The following CTNNA3 variants were observed in gnomAD, a reference collection of about 807,000 sequenced individuals.
The protein encoded by CTNNA3 is catenin alpha-3.
CTNNA3 carries 76 observed loss-of-function variants against 95.7 expected under a neutral mutation model. The observed-to-expected ratio is 0.79, with a 90% confidence interval of 0.66 to 0.96. The LOEUF is 0.96. Ranked by LOEUF, CTNNA3 falls within the 40% of genes least tolerant of loss-of-function variation. CTNNA3 has a pLI of 0.00. For missense variants in CTNNA3, 1,191 were observed against 1,089.8 expected, an observed-to-expected ratio of 1.09 and a Z score of -1.31; for synonymous variants, 431 against 374.4, an observed-to-expected ratio of 1.15 and a Z score of -1.74.
At chr10:66,503,012 G>C (rs1478678631) in intron 11 of CTNNA3, among the ~76,000 whole-genome samples, 1 of 151,790 alleles carries the variant, frequency 6.6e-6, no homozygotes, top group East Asian at 1.9e-4. Context: ...CAGTTATTTT[G>C]GTTAACTATA....
Position 67,540,944 on chromosome 10 carries a change from G to A in CTNNA3, c.293-1275C>T, listed in dbSNP as rs371039580. ...AAGTCACTTAACATCATTACTCTTC[G>A]TTTTCTTCTTTTTTTAATAATATAA... On this transcript the variant is annotated intron_variant, in intron 3 of 17. Transcript: ENST00000433211. Among the ~76,000 whole-genome samples the A allele has an allele frequency of 1.7e-4, 26 of 151,492 alleles. 1 individual carries two copies. The highest frequency in any genetic ancestry group is 1.4e-3 in the East Asian group (7 of 5,166).
At chr10:66,145,077 T>A (rs1276431727) in intron 13 of CTNNA3, among the ~76,000 whole-genome samples, 2 of 152,278 alleles carry the variant, frequency 1.3e-5, no homozygotes, top group East Asian at 3.9e-4. Context: ...TATTTCCTTA[T>A]GAACAACTCA....
chr10:66,632,884 C>T (rs1209682775), intron 9 of CTNNA3, among the ~76,000 whole-genome samples: 3 of 151,758 alleles, frequency 2.0e-5, no homozygotes, highest in Non-Finnish European at 2.9e-5. Context: ...TAAAAATGGA[C>T]AAAATATTTA....
At chr10:67,713,911 C>A (rs1841127555) in intron 1 of CTNNA3, among the ~76,000 whole-genome samples, 1 of 151,724 alleles carries the variant, frequency 6.6e-6, no homozygotes, top group African/African-American at 2.4e-5. Flanking sequence ...ATGTAACAAA[C>A]CCTCATGTTC....
intron 17 of CTNNA3, among the ~76,000 whole-genome samples, chr10:65,952,712 T>C (rs1393715766): frequency 6.6e-6 from 1 of 152,218 alleles, no homozygotes; most frequent in African/African-American, 2.4e-5. Flanking sequence ...TCATGGCTCT[T>C]TTGGTCAATA....
intron 5 of CTNNA3, among the ~76,000 whole-genome samples, chr10:67,394,111 AT>A (rs1844628445): frequency 6.6e-6 from 1 of 152,182 alleles, no homozygotes; most frequent in African/African-American, 2.4e-5. Flanking sequence ...AATTATGAGT[AT>A]TTCTTATCTT....
intron 14 of CTNNA3, among the ~76,000 whole-genome samples, chr10:66,102,753 G>A (rs2081695148): frequency 6.6e-6 from 1 of 151,994 alleles, no homozygotes; most frequent in African/African-American, 2.4e-5. Context: ...GCAGGCACAG[G>A]AGAAGTTATT....
At chr10:67,489,423 C>T (rs1848570456) in intron 5 of CTNNA3, among the ~76,000 whole-genome samples, 1 of 152,152 alleles carries the variant, frequency 6.6e-6, no homozygotes, top group Non-Finnish European at 1.5e-5. Flanking sequence ...TACTTCTCAA[C>T]CTAAGTTGCA....
In CTNNA3 at chr10:66,093,457, T is replaced by C. The variant is rs371060260; in HGVS notation, c.1977+9700A>G. Among the ~76,000 whole-genome samples the C allele has an allele frequency of 7.6e-4, 116 of 152,188 alleles. 1 individual carries two copies. In the East Asian group the frequency reaches 0.017, roughly 23 times the overall value. On this transcript the variant is annotated intron_variant, in intron 14 of 17. Coordinates refer to ENST00000433211, the MANE Select transcript of CTNNA3 (RefSeq NM_013266.4). ...GAGAATAAAGGGAGTTGGGCTCATC[T>C]AGAAGAACTTTTGAAAGGAAGTAAA... is the stretch of plus-strand genomic sequence containing the variant.
chr10:67,082,193 A>T (rs1033578659), intron 7 of CTNNA3, among the ~76,000 whole-genome samples: 1 of 152,008 alleles, frequency 6.6e-6, no homozygotes, highest in Non-Finnish European at 1.5e-5. Context: ...TGGATCTGCT[A>T]CTCCTTCATT....
chr10:67,558,654 T>A (rs10219022), intron 3 of CTNNA3, among the ~76,000 whole-genome samples: 1 of 152,014 alleles, frequency 6.6e-6, no homozygotes, highest in Non-Finnish European at 1.5e-5. Context: ...GTGGGTGCAG[T>A]GCACTGTGCG....
At position 66,372,294 on chromosome 10, in the gene CTNNA3, A is replaced by G. The variant is rs989960039; in HGVS notation, c.1732+6858T>C. 3.3e-5 allele frequency among the ~76,000 whole-genome samples: 5 copies of G among 152,228 alleles called. No individual in the cohort carries two copies. In the East Asian group the frequency reaches 7.7e-4, roughly 23 times the overall value. Reference sequence around the variant, plus strand: ...AAGATCCATAGAGTAAATCTGAATTAGTCATTTTACAGAAATACGGGAAAG... The same window carrying G: ...AAGATCCATAGAGTAAATCTGAATTGGTCATTTTACAGAAATACGGGAAAG... On this transcript the variant is annotated intron_variant, in intron 12 of 17. Transcript: ENST00000433211.
intron 9 of CTNNA3, among the ~76,000 whole-genome samples, chr10:66,664,546 G>A (rs1846374815): frequency 6.6e-6 from 1 of 151,886 alleles, no homozygotes; most frequent in Non-Finnish European, 1.5e-5. Flanking sequence ...AGGCCCTTTG[G>A]GAAATGACAG....
chr10:66,691,434 C>T (rs1355995974), intron 9 of CTNNA3, among the ~76,000 whole-genome samples: 6 of 152,152 alleles, frequency 3.9e-5, no homozygotes, highest in Non-Finnish European at 8.8e-5. Context: ...CCCAGGCTTG[C>T]TTAGGTAAAC....
intron 7 of CTNNA3, among the ~76,000 whole-genome samples, chr10:66,948,494 C>A (rs1016346607): frequency 6.6e-6 from 1 of 152,126 alleles, no homozygotes; most frequent in African/African-American, 2.4e-5. Context: ...TGACAACTGA[C>A]CGATTCTTAT....
At chr10:67,144,845 C>T (rs1221699241) in intron 7 of CTNNA3, among the ~76,000 whole-genome samples, 1 of 152,206 alleles carries the variant, frequency 6.6e-6, no homozygotes, top group Non-Finnish European at 1.5e-5. Flanking sequence ...TTTTCCTTTG[C>T]ATTCACAAAT....
At chr10:66,066,816 T>C (rs2080322236) in intron 15 of CTNNA3, among the ~76,000 whole-genome samples, 1 of 152,268 alleles carries the variant, frequency 6.6e-6, no homozygotes, top group South Asian at 2.1e-4. Context: ...AATATGCATA[T>C]GAGAATATCT....
At chr10:66,369,193 G>C (rs1015180520) in intron 12 of CTNNA3, among the ~76,000 whole-genome samples, 3 of 152,104 alleles carry the variant, frequency 2.0e-5, no homozygotes, top group African/African-American at 7.2e-5. Flanking sequence ...ACTTTCTTTT[G>C]TAATTGATGA....
chr10:65,966,929 G>C (rs1166241787), intron 16 of CTNNA3, among the ~76,000 whole-genome samples, 183 bp from the exon 17 acceptor site: 2 of 152,064 alleles, frequency 1.3e-5, no homozygotes, highest in Non-Finnish European at 2.9e-5. Context: ...TGCAACCTTA[G>C]TTACTTCAGC....
Sources: allele counts gnomAD v4.1 joint callset (sites outside exome capture counted in the v4.1 genomes callset), GRCh38; gene constraint gnomAD v4.1.1; transcripts MANE v1.5; gene names NCBI Gene and HGNC (gene_info 2026-07-23, HGNC 2026-07-21).